The following NETO1 variants were observed in gnomAD, a reference collection of about 807,000 sequenced individuals.
NETO1 encodes the protein neuropilin and tolloid like 1.
A neutral mutation model predicts 61.3 loss-of-function variants in NETO1; 26 were observed. The observed-to-expected ratio is 0.42, with a 90% confidence interval of 0.31 to 0.59. The LOEUF is 0.59. NETO1 is among the 20% of genes least tolerant of loss of function. NETO1 has a pLI of 0.12. For missense variants in NETO1, 531 were observed against 662.8 expected (o/e 0.80, Z 2.18); for synonymous variants, 225 against 225.8 (o/e 1.00, Z 0.03).
intron 3 of NETO1, among the ~76,000 whole-genome samples, chr18:72,864,239 T>C (rs956426539): frequency 6.6e-6 from 1 of 152,198 alleles, no homozygotes; most frequent in African/African-American, 2.4e-5. Flanking sequence ...ACACCATTTA[T>C]CTTTCATGTT....
At position 72,830,147 on chromosome 18, in the gene NETO1, A is replaced by G. The variant is rs1418414662; in HGVS notation, c.469+28679T>C. On this transcript the variant is annotated intron_variant, in intron 4 of 10. Coordinates refer to ENST00000327305, the MANE Select transcript of NETO1 (RefSeq NM_138966.5). The surrounding 1 kb of genome is among the most constrained non-coding windows in gnomAD (Gnocchi z 4.9). ...GTACTATAAAACCTATGGCTTTATC[A>G]TCATAGAGGATCATGCATGTAAGCC... Among the ~76,000 whole-genome samples, 1 of 152,174 alleles carries G rather than the reference A, an allele frequency of 6.6e-6. No homozygotes were observed. The highest frequency in any genetic ancestry group is 2.4e-5 in the African/African-American group (1 of 41,438).
intron 4 of NETO1, among the ~76,000 whole-genome samples, chr18:72,825,193 A>G (rs1284407921): frequency 6.6e-6 from 1 of 152,188 alleles, no homozygotes; most frequent in Non-Finnish European, 1.5e-5. Flanking sequence ...AAACTCAAAG[A>G]CTGGAATGTA....
intron 7 of NETO1, among the ~76,000 whole-genome samples, chr18:72,770,440 T>C (rs1203859205): frequency 6.6e-6 from 1 of 152,134 alleles, no homozygotes; most frequent in Non-Finnish European, 1.5e-5. Context: ...GTGCTTTATG[T>C]ATATTTTAGG....
rs753435509 is a variant in NETO1, at chr18:72,750,223, T to C, written c.1380A>G (p.Thr460=). Residue 460 remains threonine (T), a synonymous_variant, in exon 9 of 11, where the codon ACA becomes ACG. Transcript: ENST00000327305. ...RDASILTEMP[T]QPGKPLIPPM... ...GTGGGATGAGGGGTTTTCCTGGCTG[T>C]GTGGGCATCTCTGTCAAGATAGAAG... 1 of 1,614,076 alleles carries C rather than the reference T, an allele frequency of 6.2e-7. No homozygotes were observed. Among genetic ancestry groups the C allele is most frequent in the South Asian group, 1.1e-5 (1 of 91,074 alleles).
intron 1 of NETO1, among the ~76,000 whole-genome samples, chr18:72,866,438 CAATTT>C (rs1015840591): frequency 3.2e-4 from 49 of 151,982 alleles, no homozygotes; most frequent in Non-Finnish European, 5.9e-5. Context: ...AAAAAAAAAT[CAATTT>C]AATTTGTCAT....
intron 3 of NETO1, among the ~76,000 whole-genome samples, chr18:72,863,615 C>T (rs777886154): frequency 6.6e-6 from 1 of 151,984 alleles, no homozygotes; most frequent in Non-Finnish European, 1.5e-5. Context: ...AATTCAACTT[C>T]AAGTAGTAAG....
rs2073542113 is a variant in NETO1 at position 72,830,544 on chromosome 18, A to G, written c.469+28282T>C. ...CTGAGGGTTGGCTTACAATTCCTCA[A>G]TGAACAGATGTATTACAGAAGACTG... On this transcript the variant is annotated intron_variant, in intron 4 of 10. Transcript: ENST00000327305. The surrounding 1 kb of genome is among the most constrained non-coding windows in gnomAD (Gnocchi z 4.9). 1.3e-5 allele frequency among the ~76,000 whole-genome samples: 2 copies of G among 152,210 alleles called. No individual in the cohort carries two copies. The highest frequency in any genetic ancestry group is 6.5e-5 in the Admixed American group (1 of 15,288).
At chr18:72,753,251 T>A in intron 8 of NETO1, among the ~76,000 whole-genome samples, 2 of 142,546 alleles carry the variant, frequency 1.4e-5, no homozygotes, top group African/African-American at 2.5e-5. Flanking sequence ...TAAAACACCT[T>A]GAAAGCAACA....
chr18:72,851,803 C>A (rs191999214), intron 4 of NETO1, among the ~76,000 whole-genome samples: 2 of 152,146 alleles, frequency 1.3e-5, no homozygotes, highest in African/African-American at 4.8e-5. Flanking sequence ...TTAATATAAC[C>A]GTACTAAAAT....
At chr18:72,824,388 C>T (rs764350990) in intron 4 of NETO1, among the ~76,000 whole-genome samples, 1 of 152,078 alleles carries the variant, frequency 6.6e-6, no homozygotes, top group East Asian at 1.9e-4. Flanking sequence ...AATTATGATC[C>T]CAAATTGAAT....
intron 4 of NETO1, among the ~76,000 whole-genome samples, chr18:72,827,716 CAAAAAAA>C (rs535573315): frequency 1.0e-5 from 1 of 100,396 alleles, no homozygotes; most frequent in African/African-American, 3.9e-5. Context: ...GACCCTGTCT[CAAAAAAA>C]AAAAAAAAAA....
At chr18:72,802,390 A>T (rs929314379) in intron 4 of NETO1, among the ~76,000 whole-genome samples, 61 of 152,224 alleles carry the variant, frequency 4.0e-4, no homozygotes, top group Non-Finnish European at 7.5e-4. Flanking sequence ...CTTTCCCATC[A>T]CACAGTAACT....
chr18:72,822,882 T>C (rs915337997), intron 4 of NETO1, among the ~76,000 whole-genome samples: 2 of 152,254 alleles, frequency 1.3e-5, no homozygotes, highest in African/African-American at 4.8e-5. Flanking sequence ...TATACATGTG[T>C]GTATATGTTT....
intron 9 of NETO1, among the ~76,000 whole-genome samples, chr18:72,749,320 C>T (rs1358093180): frequency 6.6e-6 from 1 of 151,984 alleles, no homozygotes; most frequent in Non-Finnish European, 1.5e-5. Context: ...ACATGCAAAA[C>T]GAAGTATAAG....
At chr18:72,850,701 G>C (rs896127773) in intron 4 of NETO1, among the ~76,000 whole-genome samples, 1 of 152,180 alleles carries the variant, frequency 6.6e-6, no homozygotes, top group African/African-American at 2.4e-5. Context: ...GTTCAAAATG[G>C]AGATTGAGTG....
Position 72,867,562 on chromosome 18 carries a change from C to T in NETO1, c.-271G>A, listed in dbSNP as rs2074780152. The T allele has an allele frequency of 2.9e-6, 1 of 348,570 alleles. No individual in the cohort carries two copies. Among genetic ancestry groups the T allele is most frequent in the Non-Finnish European group, 5.1e-6 (1 of 194,392 alleles). The allele number at this position is 348,570 out of a possible 1,614,324, so 21.6% of individuals were successfully genotyped here. ...AGCCAGCAGCATCCCCACCGTGACG[C>T]TCGCATCACACCCGGGCGCCGGCCG... On this transcript the variant is annotated 5_prime_UTR_variant, in exon 1 of 11. Coordinates refer to ENST00000327305, the MANE Select transcript of NETO1 (RefSeq NM_138966.5).
Position 72,747,868 on chromosome 18 carries a change from AACTG to A in NETO1, c.*307_*310del, listed in dbSNP as rs2070465540. 2 of 152,364 alleles carry A rather than the reference AACTG, an allele frequency of 1.3e-5. No individual in the cohort carries two copies. The highest frequency in any genetic ancestry group is 4.8e-5 in the African/African-American group (2 of 41,570). 9.4% of individuals were successfully genotyped at this position (152,364 alleles called of 1,614,324 possible). A position where few individuals can be genotyped will look rare whatever the true frequency, so the allele number is the denominator to read the frequency against. ...TAAAACAACATAGAAACAAAAGTGA[AACTG>A]ACAATAAAAATAAAGTTGGGATAGT... On this transcript the variant is annotated 3_prime_UTR_variant, in exon 11 of 11. Coordinates refer to ENST00000327305, the MANE Select transcript of NETO1 (RefSeq NM_138966.5).
intron 4 of NETO1, among the ~76,000 whole-genome samples, chr18:72,809,772 T>C (rs1315748104): frequency 6.6e-6 from 1 of 152,246 alleles, no homozygotes; most frequent in Non-Finnish European, 1.5e-5. Context: ...GTTAACTGTA[T>C]GTCTTCAAAT....
chr18:72,847,978 C>T (rs2074139772), intron 4 of NETO1, among the ~76,000 whole-genome samples: 1 of 152,178 alleles, frequency 6.6e-6, no homozygotes, highest in East Asian at 1.9e-4. Flanking sequence ...TTCCCACATT[C>T]CAGGGCTAAT....
Sources: allele counts gnomAD v4.1 joint callset (sites outside exome capture counted in the v4.1 genomes callset), GRCh38; gene constraint gnomAD v4.1.1; non-coding constraint Gnocchi (gnomAD v3.1); transcripts MANE v1.5; gene names NCBI Gene and HGNC (gene_info 2026-07-23, HGNC 2026-07-21).